The following CNTNAP2 variants were observed in gnomAD, a reference collection of about 807,000 sequenced individuals.
The protein encoded by CNTNAP2 is contactin associated protein 2.
In CNTNAP2, 98 loss-of-function variants were observed where a neutral mutation model predicts 155.2. The observed-to-expected ratio is 0.63, with a 90% CI of 0.54 to 0.75. The LOEUF (loss-of-function observed/expected upper bound fraction) is 0.75. Among genes scored for constraint, CNTNAP2 ranks in the 30% least tolerant of loss-of-function variants. The probability of loss-of-function intolerance (pLI) is 0.00; values close to 1 mark genes in which losing one functional copy is unlikely to be tolerated. For missense variants in CNTNAP2, 1,727 were observed against 1,688.1 expected, an observed-to-expected ratio of 1.02 and a Z score of -0.40; for synonymous variants, 651 against 631.2, an observed-to-expected ratio of 1.03 and a Z score of -0.47.
chr7:147,748,622 GTCTT>G (rs1797085170), intron 13 of CNTNAP2, among the ~76,000 whole-genome samples: 1 of 152,204 alleles, frequency 6.6e-6, no homozygotes. Context: ...AGGTCTACCT[GTCTT>G]TCTTGTCTTT....
chr7:147,641,062 C>T (rs1795267477), intron 13 of CNTNAP2, among the ~76,000 whole-genome samples: 1 of 152,176 alleles, frequency 6.6e-6, no homozygotes, highest in East Asian at 1.9e-4. Flanking sequence ...CAGGAATCGC[C>T]ATGTTTGGGT....
At chr7:148,061,878 T>TGTAGATAG (rs1803141012) in intron 15 of CNTNAP2, among the ~76,000 whole-genome samples, 2 of 112,088 alleles carry the variant, frequency 1.8e-5, no homozygotes, top group African/African-American at 6.6e-5. Flanking sequence ...GATAAACAGA[T>TGTAGATAG]ATAGATAGAT....
At chr7:146,928,569 T>G (rs1449833923) in intron 3 of CNTNAP2, among the ~76,000 whole-genome samples, 2 of 151,902 alleles carry the variant, frequency 1.3e-5, no homozygotes, top group Non-Finnish European at 2.9e-5. Flanking sequence ...CACTAGGGAG[T>G]GCCAGACAGT....
intron 15 of CNTNAP2, among the ~76,000 whole-genome samples, chr7:148,075,261 A>C (rs1585112303): frequency 6.6e-6 from 1 of 152,170 alleles, no homozygotes; most frequent in South Asian, 2.1e-4. Flanking sequence ...ACATGGTGAA[A>C]CCCCGTCTCT....
chr7:147,580,218 C>T (rs1164228861), intron 12 of CNTNAP2, among the ~76,000 whole-genome samples: 1 of 152,140 alleles, frequency 6.6e-6, no homozygotes, highest in Non-Finnish European at 1.5e-5. Flanking sequence ...TATATTCCTT[C>T]CCTCAAAGAA....
chr7:146,640,958 A>C (rs1799694773), intron 1 of CNTNAP2, among the ~76,000 whole-genome samples: 1 of 152,152 alleles, frequency 6.6e-6, no homozygotes, highest in African/African-American at 2.4e-5. Context: ...TAGGGAGAAA[A>C]TGCCTAAAAT....
chr7:147,852,202 AAAG>A (rs1342563655), intron 13 of CNTNAP2, among the ~76,000 whole-genome samples: 2 of 152,202 alleles, frequency 1.3e-5, no homozygotes, highest in Non-Finnish European at 2.9e-5. Context: ...TTATTACATC[AAAG>A]AAGATCTCGC....
chr7:147,359,304 G>A (rs1387889608), intron 9 of CNTNAP2, among the ~76,000 whole-genome samples: 5 of 152,026 alleles, frequency 3.3e-5, no homozygotes, highest in Admixed American at 1.3e-4. Context: ...TTAAAAGTAT[G>A]AGCAAAATCT....
chr7:147,578,142 G>T (rs1164232341), intron 12 of CNTNAP2, among the ~76,000 whole-genome samples: 5 of 152,014 alleles, frequency 3.3e-5, no homozygotes, highest in African/African-American at 1.2e-4. Flanking sequence ...TTGCCTATCT[G>T]CATGGTGATT....
intron 1 of CNTNAP2, among the ~76,000 whole-genome samples, chr7:146,705,594 G>A (rs182146738): frequency 1.0e-3 from 146 of 144,924 alleles, no homozygotes; most frequent in African/African-American, 3.9e-3. Context: ...AATTTATAAC[G>A]AAAAGAGGCT....
At chr7:147,954,904 G>T (rs924390566) in intron 14 of CNTNAP2, among the ~76,000 whole-genome samples, 9 of 152,186 alleles carry the variant, frequency 5.9e-5, no homozygotes, top group Non-Finnish European at 7.3e-5. Flanking sequence ...ATTTCACTAT[G>T]AAGAGATCTC....
chr7:147,230,082 A>C (rs1803642890), intron 8 of CNTNAP2, among the ~76,000 whole-genome samples: 1 of 152,276 alleles, frequency 6.6e-6, no homozygotes, highest in South Asian at 2.1e-4. Flanking sequence ...AATGATCCAA[A>C]GGCTTCATAC....
intron 13 of CNTNAP2, among the ~76,000 whole-genome samples, chr7:147,663,733 TA>T (rs1239500174): frequency 2.6e-5 from 4 of 152,238 alleles, no homozygotes; most frequent in Non-Finnish European, 4.4e-5. Flanking sequence ...AATGAATTTT[TA>T]TTGTATATAT....
At position 147,244,203 on chromosome 7, in the gene CNTNAP2, G is replaced by A. The variant is rs868162186; in HGVS notation, c.1349-55938G>A. Among the ~76,000 whole-genome samples the A allele has an allele frequency of 7.2e-5, 11 of 152,248 alleles. No individual in the cohort carries two copies. In the Middle Eastern group the frequency reaches 0.01, roughly 141 times the overall value. On this transcript the variant is annotated intron_variant, in intron 8 of 23. Coordinates refer to ENST00000361727, the MANE Select transcript of CNTNAP2 (RefSeq NM_014141.6). ...CTATTTCAAATATACAAAGTTATCT[G>A]ATACACACAGGAACCCAACCTACTC... is the stretch of plus-strand genomic sequence containing the variant.
At chr7:147,323,185 T>C (rs1472896274) in intron 9 of CNTNAP2, among the ~76,000 whole-genome samples, 1 of 52,332 alleles carries the variant, frequency 1.9e-5, no homozygotes, top group Non-Finnish European at 3.5e-5. Context: ...CAATTTTGGA[T>C]CTTTCCTGCT....
intron 3 of CNTNAP2, among the ~76,000 whole-genome samples, chr7:146,848,531 T>A (rs1299260275): frequency 6.6e-6 from 1 of 152,132 alleles, no homozygotes; most frequent in Non-Finnish European, 1.5e-5. Flanking sequence ...GGTGCTTGCC[T>A]AGGTTGTTTT....
chr7:147,597,104 G>T (rs1222110270), intron 12 of CNTNAP2, among the ~76,000 whole-genome samples: 2 of 152,108 alleles, frequency 1.3e-5, no homozygotes, highest in African/African-American at 2.4e-5. Flanking sequence ...CAGCCCTCAG[G>T]GCTGCTCTCC....
intron 3 of CNTNAP2, among the ~76,000 whole-genome samples, chr7:146,899,891 C>A: frequency 6.6e-6 from 1 of 152,116 alleles, no homozygotes; most frequent in East Asian, 1.9e-4. Context: ...TTTATGGGAG[C>A]TTTTGGATAT....
intron 3 of CNTNAP2, among the ~76,000 whole-genome samples, chr7:146,876,043 C>G (rs1348174722): frequency 6.7e-6 from 1 of 150,252 alleles, no homozygotes; most frequent in African/African-American, 2.4e-5. Flanking sequence ...TGACTTTTGG[C>G]TTCCCTCCTC....
Sources: allele counts gnomAD v4.1 joint callset (sites outside exome capture counted in the v4.1 genomes callset), GRCh38; gene constraint gnomAD v4.1.1; transcripts MANE v1.5; gene names NCBI Gene and HGNC (gene_info 2026-07-23, HGNC 2026-07-21).